AK8: variants seen among roughly 807,000 people sequenced by gnomAD.
The protein encoded by AK8 is ATP-AMP transphosphorylase 8.
A neutral mutation model predicts 54.6 loss-of-function variants in AK8; 44 were observed. The ratio of observed to expected loss-of-function variants is 0.81; its 90% CI spans 0.63 to 1.04. The LOEUF (loss-of-function observed/expected upper bound fraction) is 1.04. AK8 is among the 50% of genes least tolerant of loss of function. The pLI is 0.00. For missense variants in AK8, 555 were observed against 613.6 expected (o/e 0.90, Z 1.01); for synonymous variants, 239 against 245.6 (o/e 0.97, Z 0.25).
chr9:132,873,793 G>A (rs1843963665), intron 2 of AK8, among the ~76,000 whole-genome samples: 1 of 152,104 alleles, frequency 6.6e-6, no homozygotes, highest in South Asian at 2.1e-4. Flanking sequence ...GAGGCCTGGG[G>A]GCGAGCCTAG....
At chr9:132,832,774 G>T (rs905135570) in intron 5 of AK8, among the ~76,000 whole-genome samples, 2 of 152,218 alleles carry the variant, frequency 1.3e-5, no homozygotes, top group African/African-American at 4.8e-5. Flanking sequence ...GAGAAAGCGG[G>T]ACTTCCAATT....
chr9:132,785,954 C>T (rs923846310), intron 11 of AK8, among the ~76,000 whole-genome samples: 1 of 152,144 alleles, frequency 6.6e-6, no homozygotes, highest in Non-Finnish European at 1.5e-5. Flanking sequence ...CACAGAAAAA[C>T]GATAGGAAAG....
chr9:132,731,250 GA>G (rs1231008530), intron 11 of AK8, among the ~76,000 whole-genome samples: 1 of 152,204 alleles, frequency 6.6e-6, no homozygotes, highest in Non-Finnish European at 1.5e-5. Context: ...CATCATCTTG[GA>G]AACTAAGTAT....
rs756213928 is a variant in AK8, at chr9:132,866,928, T to G, written c.195A>C (p.Pro65=). ...DNVPRIVILG[P]PASGKTTIAM... ...CTATTGTTGTTTTCCCTGAGGCGGG[T>G]GGACCTAATATTACAATCCTGGGCA... The change falls in exon 3 of 13, where the codon CCA becomes CCC. Residue 65 remains proline (P), a synonymous_variant. Coordinates refer to ENST00000298545, the MANE Select transcript of AK8 (RefSeq NM_152572.3). The G allele has an allele frequency of 3.7e-6, 6 of 1,613,948 alleles. No homozygotes were observed. The highest frequency in any genetic ancestry group is 5.1e-6 in the Non-Finnish European group (6 of 1,179,914).
At chr9:132,861,969 G>A (rs1292800704) in intron 4 of AK8, among the ~76,000 whole-genome samples, 1 of 152,124 alleles carries the variant, frequency 6.6e-6, no homozygotes, top group Non-Finnish European at 1.5e-5. Flanking sequence ...GAAATATGTT[G>A]ATAATTAGCA....
rs1843478255 is a variant in AK8 at position 132,863,679 on chromosome 9, A to G, written c.319T>C (p.Tyr107His). 3 of 1,613,170 alleles carry G rather than the reference A, an allele frequency of 1.9e-6. No individual in the cohort carries two copies. In the African/African-American group the frequency reaches 4.0e-5, roughly 22 times the overall value. Reference protein sequence around the residue: ...SYTATEARRLYLQRKTVPSAL... With the variant: ...SYTATEARRLHLQRKTVPSAL... ...GCCAGTCCTACCTTCCTTTGCAGAT[A>G]AAGCCTTCTGGCTTCGGTGGCCGTA... Residue 107 changes from tyrosine (Y) to histidine (H), a missense_variant, in exon 4 of 13, where the codon TAT becomes CAT. Physicochemically the swap from Tyr to His is moderately conservative, Grantham distance 83. Transcript: ENST00000298545.
At chr9:132,857,565 C>T (rs1290631478) in intron 4 of AK8, among the ~76,000 whole-genome samples, 1 of 152,200 alleles carries the variant, frequency 6.6e-6, no homozygotes, top group Non-Finnish European at 1.5e-5. Flanking sequence ...CTTTCCCAGC[C>T]CCTCAGGTCC....
chr9:132,867,655 T>C (rs1421273061), intron 2 of AK8, among the ~76,000 whole-genome samples: 3 of 152,142 alleles, frequency 2.0e-5, no homozygotes, highest in Admixed American at 6.5e-5. Context: ...GCCCTGGCCA[T>C]CGTGGAAGCT....
intron 2 of AK8, among the ~76,000 whole-genome samples, chr9:132,868,506 C>T (rs1415858769): frequency 6.6e-6 from 1 of 152,180 alleles, no homozygotes; most frequent in East Asian, 1.9e-4. Context: ...CCAGCACCCC[C>T]AGCCTCCCAC....
chr9:132,839,545 C>T (rs572702158), intron 5 of AK8, among the ~76,000 whole-genome samples: 92 of 152,278 alleles, frequency 6.0e-4, no homozygotes, highest in African/African-American at 2.0e-3. Flanking sequence ...ATGCATTAGC[C>T]AGGATGCAGA....
At chr9:132,763,101 C>T (rs1056943063) in intron 11 of AK8, among the ~76,000 whole-genome samples, 5 of 152,354 alleles carry the variant, frequency 3.3e-5, no homozygotes, top group African/African-American at 1.2e-4. Context: ...CACAGCTGTG[C>T]TCCCCTAGAG....
Position 132,828,732 on chromosome 9 carries a change from C to T in AK8, c.403-6G>A. ...ATGCCATCCAGAATCCAGCCCTAGA[C>T]AGAAGATTCAGAGAGGTGCTCATCT... is the stretch of plus-strand genomic sequence containing the variant. On this transcript the variant is annotated splice_polypyrimidine_tract_variant and splice_region_variant and intron_variant, in intron 5 of 12. Transcript: ENST00000298545. 6.2e-7 allele frequency: 1 copy of T among 1,603,360 alleles called. No homozygotes were observed. Among genetic ancestry groups the T allele is most frequent in the Non-Finnish European group, 8.5e-7 (1 of 1,172,280 alleles).
intron 9 of AK8, among the ~76,000 whole-genome samples, chr9:132,818,000 T>G (rs1324709486): frequency 6.6e-6 from 1 of 152,140 alleles, no homozygotes; most frequent in East Asian, 1.9e-4. Context: ...AGGGCAACAA[T>G]GGTAAAAATA....
At chr9:132,798,104 G>C (rs1840262946) in intron 10 of AK8, among the ~76,000 whole-genome samples, 2 of 152,230 alleles carry the variant, frequency 1.3e-5, no homozygotes, top group Admixed American at 6.5e-5. Flanking sequence ...TCTCCCATCT[G>C]GGTCAAGACA....
At chr9:132,820,931 G>T (rs1406344249) in intron 9 of AK8, among the ~76,000 whole-genome samples, 1 of 152,106 alleles carries the variant, frequency 6.6e-6, no homozygotes, top group Admixed American at 6.6e-5. Context: ...ATGACATCTT[G>T]TATTTATCAA....
intron 11 of AK8, among the ~76,000 whole-genome samples, chr9:132,729,410 T>G (rs373140487): frequency 6.6e-6 from 1 of 152,132 alleles, no homozygotes; most frequent in East Asian, 1.9e-4. Flanking sequence ...ACAAACAGAA[T>G]GAGAAGAGGT....
chr9:132,840,665 G>A (rs1411827585), intron 5 of AK8, among the ~76,000 whole-genome samples: 1 of 152,184 alleles, frequency 6.6e-6, no homozygotes, highest in East Asian at 1.9e-4. Flanking sequence ...GGCTGAGGCA[G>A]GTGGATCACC....
At chr9:132,861,771 G>A (rs1481335051) in intron 4 of AK8, among the ~76,000 whole-genome samples, 3 of 152,192 alleles carry the variant, frequency 2.0e-5, no homozygotes, top group African/African-American at 4.8e-5. Flanking sequence ...TTAATGAGAG[G>A]CCTTGACTGG....
At chr9:132,838,874 A>C (rs752949290) in intron 5 of AK8, among the ~76,000 whole-genome samples, 1 of 152,190 alleles carries the variant, frequency 6.6e-6, no homozygotes, top group Non-Finnish European at 1.5e-5. Context: ...AATGCATCAC[A>C]GTGTGACGTG....
Sources: gnomAD v4.1 joint callset for allele counts (sites outside exome capture counted in the v4.1 genomes callset) on GRCh38, gnomAD v4.1.1 for gene constraint, MANE v1.5 for transcripts, NCBI Gene and HGNC (gene_info 2026-07-23, HGNC 2026-07-21) for gene names.